LRP1B: variants seen among roughly 807,000 people sequenced by gnomAD.
LRP1B encodes the protein low-density lipoprotein receptor-related protein 1B.
Under a neutral mutation model 556.6 loss-of-function variants are expected in LRP1B, and 217 were observed. The ratio of observed to expected loss-of-function variants is 0.39; its 90% CI spans 0.35 to 0.44. The LOEUF (loss-of-function observed/expected upper bound fraction) is 0.44, where lower values mean the gene tolerates loss of function less well. Ranked by LOEUF, LRP1B falls within the 20% of genes least tolerant of loss-of-function variation. LRP1B has a pLI of 1.00. For missense variants in LRP1B, 5,053 were observed against 5,620.8 expected (o/e 0.90, Z 3.23); for synonymous variants, 2,047 against 1,865.8 (o/e 1.10, Z -2.50).
At chr2:140,946,060 T>TTCTCAGAAAGTG (rs1270220357) in intron 20 of LRP1B, among the ~76,000 whole-genome samples, 1 of 152,114 alleles carries the variant, frequency 6.6e-6, no homozygotes, top group African/African-American at 2.4e-5. Flanking sequence ...GAACAGACAC[T>TTCTCAGAAAGTG]TCTCAGAAAG....
At chr2:141,828,498 C>T (rs1697008236) in intron 1 of LRP1B, among the ~76,000 whole-genome samples, 2 of 152,058 alleles carry the variant, frequency 1.3e-5, no homozygotes, top group South Asian at 4.1e-4. Flanking sequence ...ATAGATATTT[C>T]TATAAAGAAC....
chr2:140,421,824 C>G (rs1460252993), intron 66 of LRP1B, among the ~76,000 whole-genome samples: 3 of 152,122 alleles, frequency 2.0e-5, no homozygotes, highest in African/African-American at 7.2e-5. Flanking sequence ...GGTTCAAAAT[C>G]AAGAATCAAG....
chr2:140,837,105 C>A (rs1240506762), intron 31 of LRP1B, among the ~76,000 whole-genome samples: 1 of 152,164 alleles, frequency 6.6e-6, no homozygotes, highest in Non-Finnish European at 1.5e-5. Context: ...ACCTAATGTA[C>A]ATACTACCGC....
At chr2:140,485,200 T>C (rs1444519626) in intron 59 of LRP1B, 143 bp downstream of exon 59, 4 of 495,766 alleles carry the variant, frequency 8.1e-6, no homozygotes, top group Non-Finnish European at 1.4e-5. Context: ...ATCACATTAC[T>C]GTTTTTTTCT....
chr2:141,384,873 T>C (rs1689771440), intron 3 of LRP1B, among the ~76,000 whole-genome samples: 1 of 152,206 alleles, frequency 6.6e-6, no homozygotes, highest in African/African-American at 2.4e-5. Context: ...GATTAATCCT[T>C]TTCCTCATCC....
chr2:140,467,092 T>TAACTAA (rs199938644), intron 60 of LRP1B, among the ~76,000 whole-genome samples: 2,335 of 152,304 alleles, frequency 0.015, 59 homozygotes, highest in African/African-American at 0.051. Flanking sequence ...GAGATATTTT[T>TAACTAA]TGTTAATAGG....
chr2:141,015,119 A>G lies in LRP1B; in HGVS notation c.2190+577T>C, dbSNP rs150308507. On this transcript the variant is annotated intron_variant, in intron 13 of 90. Coordinates refer to ENST00000389484, the MANE Select transcript of LRP1B (RefSeq NM_018557.3). ...GAAATATAGAGGTTTTGTTTTGTCA[A>G]CTATGCCTCTGTCTCACAGCCAACT... 8.0e-3 allele frequency among the ~76,000 whole-genome samples: 1,218 copies of G among 152,200 alleles called. 38 individuals are homozygous for G. The highest frequency in any genetic ancestry group is 0.057 in the Admixed American group (872 of 15,276).
intron 43 of LRP1B, among the ~76,000 whole-genome samples, chr2:140,546,344 T>C (rs112657573): frequency 0.028 from 4,258 of 152,176 alleles, 69 homozygotes; most frequent in African/African-American, 0.042. Flanking sequence ...AGAGAGGGCA[T>C]CCTTGTTGTA....
rs111516279 is a variant in LRP1B at position 141,412,645 on chromosome 2, C to T, written c.343+67751G>A. ...ATTTTTTTAAGTACACTTTTTATAA[C>T]GTACAATGCAACATATTTCCAAAAA... On this transcript the variant is annotated intron_variant, in intron 3 of 90. Coordinates refer to ENST00000389484, the MANE Select transcript of LRP1B (RefSeq NM_018557.3). Among the ~76,000 whole-genome samples the T allele has an allele frequency of 4.5e-3, 678 of 152,160 alleles. 2 individuals carry two copies. Among genetic ancestry groups the T allele is most frequent in the Non-Finnish European group, 5.1e-3 (349 of 68,002 alleles).
chr2:140,310,164 T>C (rs1684237766), intron 83 of LRP1B, among the ~76,000 whole-genome samples: 1 of 151,862 alleles, frequency 6.6e-6, no homozygotes, highest in South Asian at 2.1e-4. Flanking sequence ...ATGAGACTTA[T>C]CTTTTGCCAC....
chr2:141,978,071 ATAT>A (rs920456198), intron 1 of LRP1B, among the ~76,000 whole-genome samples: 6 of 152,148 alleles, frequency 3.9e-5, no homozygotes, highest in Non-Finnish European at 5.9e-5. Flanking sequence ...CGGTTTTGGT[ATAT>A]TATTATCCTG....
At chr2:140,355,096 A>G (rs1484842062) in intron 75 of LRP1B, among the ~76,000 whole-genome samples, 2 of 151,928 alleles carry the variant, frequency 1.3e-5, no homozygotes, top group Non-Finnish European at 2.9e-5. Context: ...AAAAAAGTGG[A>G]TTCATAGCAA....
In LRP1B at chr2:141,169,152, G is replaced by C. The variant is rs1410320288; in HGVS notation, c.1013+19269C>G. Among the ~76,000 whole-genome samples the C allele has an allele frequency of 7.2e-5, 11 of 151,870 alleles. No individual in the cohort carries two copies. In the East Asian group the frequency reaches 1.2e-3, roughly 16 times the overall value. Reference sequence around the variant, plus strand: ...AATACAAAAATTAGCTGGGTATAGTGGTGGGCCCCTATAGTCCCAGCTACT... The same window carrying C: ...AATACAAAAATTAGCTGGGTATAGTCGTGGGCCCCTATAGTCCCAGCTACT... On this transcript the variant is annotated intron_variant, in intron 7 of 90. Transcript: ENST00000389484.
At chr2:141,634,046 T>G (rs1689010558) in intron 2 of LRP1B, among the ~76,000 whole-genome samples, 1 of 151,960 alleles carries the variant, frequency 6.6e-6, no homozygotes, top group South Asian at 2.1e-4. Context: ...TCTTTTTTTT[T>G]TCAATTTTAA....
chr2:140,311,671 TAAAA>T (rs1176160139), intron 83 of LRP1B, among the ~76,000 whole-genome samples: 4 of 151,592 alleles, frequency 2.6e-5, no homozygotes, highest in African/African-American at 9.7e-5. Flanking sequence ...TTTACACAAA[TAAAA>T]AAAGCCCAAA....
intron 1 of LRP1B, among the ~76,000 whole-genome samples, chr2:141,873,706 C>A (rs1267719843): frequency 6.6e-6 from 1 of 151,506 alleles, no homozygotes; most frequent in African/African-American, 2.4e-5. Flanking sequence ...GGTTTCAGGT[C>A]TGGAGTAGAA....
chr2:140,557,974 C>A (rs141371237), intron 43 of LRP1B, among the ~76,000 whole-genome samples: 195 of 152,228 alleles, frequency 1.3e-3, no homozygotes, highest in Non-Finnish European at 1.7e-3. Context: ...CAAAGAATAT[C>A]ACCTGATGCA....
rs1327999470 is a variant in LRP1B, at chr2:140,583,162, CTTTTTTTTCT to C, written c.7194+15459_7194+15468del. Among the ~76,000 whole-genome samples, 207 of 107,794 alleles carry C rather than the reference CTTTTTTTTCT, an allele frequency of 1.9e-3. 1 individual carries two copies. The highest frequency in any genetic ancestry group is 0.01 in the East Asian group (37 of 3,620). 70.7% of individuals were successfully genotyped at this position (107,794 alleles called of 152,430 possible). Reference sequence around the variant, plus strand: ...TGAAAGTTTCTATTGACAGTTTCTCCTTTTTTTTCTTTTTTTTTTTTTTTTTTTTTTGAGA... The same window carrying C: ...TGAAAGTTTCTATTGACAGTTTCTCCTTTTTTTTTTTTTTTTTTTTTGAGA... On this transcript the variant is annotated intron_variant, in intron 43 of 90. Coordinates refer to ENST00000389484, the MANE Select transcript of LRP1B (RefSeq NM_018557.3).
intron 33 of LRP1B, 70 bp from the exon 34 acceptor site, chr2:140,771,076 A>T: frequency 1.7e-6 from 2 of 1,172,030 alleles, no homozygotes; most frequent in Non-Finnish European, 2.4e-6. Context: ...ATTTAACGTC[A>T]ATAATTTGAC....
Sources: gnomAD v4.1 joint callset for allele counts (sites outside exome capture counted in the v4.1 genomes callset) on GRCh38, gnomAD v4.1.1 for gene constraint, MANE v1.5 for transcripts, NCBI Gene and HGNC (gene_info 2026-07-23, HGNC 2026-07-21) for gene names.